GRIP1: variants seen among roughly 807,000 people sequenced by gnomAD.
GRIP1 encodes glutamate receptor interacting protein 1.
In GRIP1, 45 loss-of-function variants were observed where a neutral mutation model predicts 129.9. That is an observed-to-expected ratio of 0.35 (90% CI 0.27 to 0.44). GRIP1 has a LOEUF of 0.44. GRIP1 is among the 20% of genes least tolerant of loss of function. The probability of loss-of-function intolerance (pLI) is 1.00; values close to 1 mark genes in which losing one functional copy is unlikely to be tolerated. For missense variants in GRIP1, 1,196 were observed against 1,396.8 expected (o/e 0.86, Z 2.29); for synonymous variants, 530 against 520.8 (o/e 1.02, Z -0.24).
intron 1 of GRIP1, among the ~76,000 whole-genome samples, chr12:66,629,799 T>C (rs1379056943): frequency 6.6e-6 from 1 of 152,196 alleles, no homozygotes; most frequent in African/African-American, 2.4e-5. Flanking sequence ...AACCCATTCA[T>C]CTATTACATT....
chr12:66,571,326 G>A (rs571120854), intron 2 of GRIP1, among the ~76,000 whole-genome samples: 2 of 152,250 alleles, frequency 1.3e-5, no homozygotes, highest in South Asian at 4.1e-4. Context: ...ACAACTTTGT[G>A]TTAAAATTCC....
At chr12:66,979,222 T>TAAAAAAAAAAAAAAAAAAAAAAAAAAA (rs35306665) in intron 1 of GRIP1, among the ~76,000 whole-genome samples, 2 of 41,458 alleles carry the variant, frequency 4.8e-5, no homozygotes, top group African/African-American at 1.5e-4. Flanking sequence ...CTTCTCTTCT[T>TAAAAAAAAAAAAAAAAAAAAAAAAAAA]AAAAAAAAAA....
intron 7 of GRIP1, among the ~76,000 whole-genome samples, chr12:66,485,482 G>A (rs754824323): frequency 1.3e-5 from 2 of 151,644 alleles, no homozygotes; most frequent in African/African-American, 4.8e-5. Flanking sequence ...ATTCTAGTAT[G>A]AGTCATTGTT....
intron 7 of GRIP1, among the ~76,000 whole-genome samples, chr12:66,481,682 A>G (rs1179373536): frequency 6.6e-6 from 1 of 152,204 alleles, no homozygotes; most frequent in African/African-American, 2.4e-5. Context: ...ACAATAGCAA[A>G]GACTTGGAAC....
intron 7 of GRIP1, among the ~76,000 whole-genome samples, chr12:66,491,210 A>G (rs2060095180): frequency 2.0e-5 from 3 of 152,216 alleles, no homozygotes; most frequent in Admixed American, 2.0e-4. Context: ...TACGGAATCA[A>G]CCCAAATGCT....
intron 1 of GRIP1, among the ~76,000 whole-genome samples, chr12:66,794,235 T>C (rs1485056250): frequency 1.3e-5 from 2 of 152,168 alleles, no homozygotes; most frequent in Non-Finnish European, 2.9e-5. Context: ...TCATTTCAAA[T>C]ACACGAATAG....
chr12:66,436,250 C>T (rs1318178716), intron 13 of GRIP1, among the ~76,000 whole-genome samples: 2 of 152,238 alleles, frequency 1.3e-5, no homozygotes, highest in African/African-American at 2.4e-5. Flanking sequence ...ACAACCACAC[C>T]GTAATTCATC....
intron 5 of GRIP1, among the ~76,000 whole-genome samples, chr12:66,522,818 G>A (rs1293913140): frequency 1.3e-5 from 2 of 152,118 alleles, no homozygotes; most frequent in African/African-American, 4.8e-5. Context: ...AATAACCAAT[G>A]CAGAGAAGTC....
intron 1 of GRIP1, among the ~76,000 whole-genome samples, chr12:66,906,611 G>C (rs2040937519): frequency 2.0e-5 from 3 of 152,098 alleles, no homozygotes; most frequent in Admixed American, 2.0e-4. Context: ...TATGCACTCT[G>C]GGACTAGGTC....
intron 1 of GRIP1, among the ~76,000 whole-genome samples, chr12:66,861,540 T>G (rs748364657): frequency 1.6e-4 from 24 of 152,094 alleles, no homozygotes; most frequent in Non-Finnish European, 2.5e-4. Flanking sequence ...TTTATAGAGA[T>G]ACGCATATTG....
At chr12:66,720,681 A>G (rs1003943636) in intron 1 of GRIP1, among the ~76,000 whole-genome samples, 1 of 152,194 alleles carries the variant, frequency 6.6e-6, no homozygotes, top group Non-Finnish European at 1.5e-5. Context: ...TTGTTCATCC[A>G]TAAGAAGCAA....
intron 1 of GRIP1, among the ~76,000 whole-genome samples, chr12:66,924,032 G>C (rs2041255617): frequency 6.6e-6 from 1 of 151,848 alleles, no homozygotes; most frequent in Admixed American, 6.6e-5. Flanking sequence ...TTTAGTAGAT[G>C]TGGGGTTTCG....
intron 14 of GRIP1, among the ~76,000 whole-genome samples, chr12:66,425,023 C>T (rs1320944874): frequency 1.3e-5 from 2 of 152,116 alleles, no homozygotes; most frequent in East Asian, 1.9e-4. Context: ...CTTTCTCTCA[C>T]TCTTGGTGGT....
chr12:66,894,750 C>A (rs2040717548), intron 1 of GRIP1, among the ~76,000 whole-genome samples: 1 of 152,200 alleles, frequency 6.6e-6, no homozygotes, highest in Non-Finnish European at 1.5e-5. Flanking sequence ...GTCAATCAGA[C>A]CCTGCAAGGG....
intron 1 of GRIP1, among the ~76,000 whole-genome samples, chr12:67,006,407 T>G (rs2135701460): frequency 6.6e-6 from 1 of 151,888 alleles, no homozygotes; most frequent in South Asian, 2.1e-4. Flanking sequence ...CTACAAAAAA[T>G]TAAAAACATT....
At chr12:66,763,883 TCTC>T (rs1249950137) in intron 1 of GRIP1, among the ~76,000 whole-genome samples, 5 of 152,206 alleles carry the variant, frequency 3.3e-5, no homozygotes, top group Non-Finnish European at 7.3e-5. Context: ...CTCTCAAAAT[TCTC>T]CTCAAGTCTT....
intron 1 of GRIP1, among the ~76,000 whole-genome samples, chr12:66,926,654 G>T (rs1441445463): frequency 6.6e-6 from 1 of 152,188 alleles, no homozygotes; most frequent in Non-Finnish European, 1.5e-5. Context: ...TGCATATTTG[G>T]TTAGTAGGCC....
chr12:67,043,209 T>G (rs1421242948), intron 1 of GRIP1, among the ~76,000 whole-genome samples: 1 of 152,176 alleles, frequency 6.6e-6, no homozygotes, highest in Non-Finnish European at 1.5e-5. Flanking sequence ...TCCTTTGGTT[T>G]TCATCCTCCT....
rs185090837 is a variant in GRIP1, at chr12:66,704,104, T to C, written c.-419-73768A>G. On this transcript the variant is annotated intron_variant, in intron 1 of 4. Coordinates refer to the GRIP1 transcript ENST00000538373. ...TAAAAGGATATATTTATATCAAAGA[T>C]ATAGATGGTGAAATTGACTAACTAC... Among the ~76,000 whole-genome samples the C allele has an allele frequency of 2.6e-5, 4 of 152,196 alleles. No individual in the cohort carries two copies. In the East Asian group the frequency reaches 7.7e-4, roughly 29 times the overall value.
Sources: allele counts gnomAD v4.1 joint callset (sites outside exome capture counted in the v4.1 genomes callset), GRCh38; gene constraint gnomAD v4.1.1; transcripts MANE v1.5; gene names NCBI Gene and HGNC (gene_info 2026-07-23, HGNC 2026-07-21).